The following TXNRD1 variants were observed in gnomAD, a reference collection of about 807,000 sequenced individuals.
The protein encoded by TXNRD1 is thioredoxin reductase 1, cytoplasmic.
TXNRD1 carries 57 observed loss-of-function variants against 80.3 expected under a neutral mutation model. That is an observed-to-expected ratio of 0.71 (90% CI 0.57 to 0.89). The LOEUF (loss-of-function observed/expected upper bound fraction) is 0.89, where lower values mean the gene tolerates loss of function less well. Among genes scored for constraint, TXNRD1 ranks in the 40% least tolerant of loss-of-function variants. The pLI, the probability that TXNRD1 is intolerant of heterozygous loss-of-function variation, is 0.00. For missense variants in TXNRD1, 730 were observed against 803.0 expected, an observed-to-expected ratio of 0.91 and a Z score of 1.10; for synonymous variants, 291 against 285.2, an observed-to-expected ratio of 1.02 and a Z score of -0.20.
chr12:104,338,817 C>T lies in TXNRD1; in HGVS notation c.1747-322C>T, dbSNP rs954179107. Among the ~76,000 whole-genome samples, 12 of 151,962 alleles carry T rather than the reference C, an allele frequency of 7.9e-5. No individual in the cohort carries two copies. The South Asian group carries it at 8.3e-4, about 11-fold the overall frequency. On this transcript the variant is annotated intron_variant, in intron 15 of 16. Coordinates refer to ENST00000525566, the MANE Select transcript of TXNRD1 (RefSeq NM_001093771.3). ...CTGCAAGCTCTGCCTCCTGGGTTCA[C>T]GCCATTCTCCTGCCTCAGCCTCTCA...
chr12:104,239,985 G>A (rs1412941795), intron 1 of TXNRD1, among the ~76,000 whole-genome samples: 1 of 152,086 alleles, frequency 6.6e-6, no homozygotes, highest in Non-Finnish European at 1.5e-5. Flanking sequence ...GATTCAATTT[G>A]CCATTATTTT....
At chr12:104,328,176 T>C (rs368235042) in intron 13 of TXNRD1, among the ~76,000 whole-genome samples, 1 of 126,570 alleles carries the variant, frequency 7.9e-6, no homozygotes, top group East Asian at 2.3e-4. Flanking sequence ...AAAAAAAAAT[T>C]AAAAAAAAAA....
At position 104,318,643 on chromosome 12, in the gene TXNRD1, C is replaced by T. The variant is rs79865505; in HGVS notation, c.731-270C>T. Among the ~76,000 whole-genome samples, 448 of 152,130 alleles carry T rather than the reference C, an allele frequency of 2.9e-3. 5 individuals are homozygous for T. Among genetic ancestry groups the T allele is most frequent in the African/African-American group, 9.2e-3 (382 of 41,484 alleles). On this transcript the variant is annotated intron_variant, in intron 7 of 16. Transcript: ENST00000525566. ...CCCAGAAATCAGTAAAATTCAAGTT[C>T]GTTTCTAGATAAAGAAGGAAAAAGT...
At position 104,217,652 on chromosome 12, in the gene TXNRD1, G is replaced by A. The variant is rs545176787; in HGVS notation, c.91+1759G>A. On this transcript the variant is annotated intron_variant, in intron 1 of 16. Transcript: ENST00000525566. ...AGTATACAGTTTTCAGCAGTATTAA[G>A]TATATTCACATTGTTGTGAAGCAGA... is the stretch of plus-strand genomic sequence containing the variant. Among the ~76,000 whole-genome samples, 3 of 152,264 alleles carry A rather than the reference G, an allele frequency of 2.0e-5. No homozygotes were observed. The South Asian group carries it at 6.2e-4, about 32-fold the overall frequency.
intron 13 of TXNRD1, among the ~76,000 whole-genome samples, chr12:104,328,034 C>T (rs534151180): frequency 5.2e-4 from 79 of 151,972 alleles, no homozygotes; most frequent in Non-Finnish European, 9.0e-4. Context: ...TGGCGCATGC[C>T]TGTAATCCCA....
intron 4 of TXNRD1, among the ~76,000 whole-genome samples, chr12:104,301,085 A>G (rs2034605623): frequency 6.6e-6 from 1 of 152,254 alleles, no homozygotes; most frequent in Non-Finnish European, 1.5e-5. Flanking sequence ...GTTTGCCTCG[A>G]TATGCTCTGT....
chr12:104,234,927 T>C (rs767628024), intron 1 of TXNRD1, among the ~76,000 whole-genome samples: 1 of 152,200 alleles, frequency 6.6e-6, no homozygotes, highest in Non-Finnish European at 1.5e-5. Context: ...TGTTTTTCCT[T>C]CATTTGCAGT....
chr12:104,316,145 T>C (rs1373225631), intron 7 of TXNRD1, among the ~76,000 whole-genome samples: 1 of 152,226 alleles, frequency 6.6e-6, no homozygotes, highest in Non-Finnish European at 1.5e-5. Flanking sequence ...TTGAATATAT[T>C]GTCATGTAGT....
At chr12:104,304,507 A>G (rs929223145) in intron 4 of TXNRD1, 5 of 1,613,920 alleles carry the variant, frequency 3.1e-6, no homozygotes, top group Non-Finnish European at 4.2e-6. Flanking sequence ...ACCAGAAAAA[A>G]GTTCGCAAGA....
chr12:104,328,539 G>A (rs184622302), intron 13 of TXNRD1, among the ~76,000 whole-genome samples: 36 of 152,176 alleles, frequency 2.4e-4, no homozygotes, highest in African/African-American at 6.7e-4. Flanking sequence ...GGCAGATCAC[G>A]AGGTCAGGAG....
intron 4 of TXNRD1, among the ~76,000 whole-genome samples, chr12:104,298,990 A>ATT (rs1789118253): frequency 6.6e-6 from 1 of 152,186 alleles, no homozygotes; most frequent in African/African-American, 2.4e-5. Context: ...GTATACCCAA[A>ATT]TTCATACATA....
chr12:104,215,931 G>C (rs1425569201), intron 1 of TXNRD1, 38 bp downstream of exon 1: 5 of 1,502,038 alleles, frequency 3.3e-6, no homozygotes, highest in Non-Finnish European at 4.5e-6. Flanking sequence ...CCAGGTCGAC[G>C]GGCCGAAGCG....
chr12:104,315,722 ATGTT>A, intron 6 of TXNRD1, 51 bp from the exon 7 acceptor site: 3 of 1,557,992 alleles, frequency 1.9e-6, no homozygotes, highest in Non-Finnish European at 2.6e-6. Context: ...TGTTCTTTGA[ATGTT>A]TGTAAGGCTT....
chr12:104,215,789 G>T lies in TXNRD1; in HGVS notation c.-14G>T. The T allele has an allele frequency of 6.4e-7, 1 of 1,552,434 alleles. No homozygotes were observed. On this transcript the variant is annotated 5_prime_UTR_variant, in exon 1 of 17. It adds an upstream start codon to the 5' untranslated region. Transcript: ENST00000525566. ...TCCTTCGGCTCCGTCAGTTCCCACA[G>T]GGCCTTGTGCGACATGGGCTGCGCC...
chr12:104,308,920 C>T lies in TXNRD1; in HGVS notation c.415-2370C>T, dbSNP rs377012667. On this transcript the variant is annotated intron_variant, in intron 4 of 16. Transcript: ENST00000525566. ...TTTCTTTTTTTTTTTTTTTTTGAGA[C>T]GGAGTCTTGCTCTGTCACCCAGGCT... Among the ~76,000 whole-genome samples the T allele has an allele frequency of 1.5e-3, 186 of 124,678 alleles. No homozygotes were observed. In the East Asian group the frequency reaches 0.027, roughly 18 times the overall value. The allele number at this position is 124,678 out of a possible 152,430, so 81.8% of individuals were successfully genotyped here.
chr12:104,219,438 G>A (rs907076462), intron 1 of TXNRD1, among the ~76,000 whole-genome samples: 1 of 152,134 alleles, frequency 6.6e-6, no homozygotes, highest in Admixed American at 6.5e-5. Flanking sequence ...ATCAGGCACT[G>A]GGAACTCAGG....
chr12:104,286,850 G>A, intron 3 of TXNRD1: 1 of 1,082,072 alleles, frequency 9.2e-7, no homozygotes, highest in South Asian at 2.6e-5. Context: ...GGCAGAGGAT[G>A]TGGTGTCACC....
intron 2 of TXNRD1, among the ~76,000 whole-genome samples, chr12:104,256,738 C>T (rs1326045506): frequency 6.2e-5 from 9 of 144,988 alleles, no homozygotes; most frequent in Admixed American, 5.6e-4. Context: ...CGAGATAGTG[C>T]CACTGCACTC....
chr12:104,234,011 T>C (rs2032681465), intron 1 of TXNRD1, among the ~76,000 whole-genome samples: 1 of 152,212 alleles, frequency 6.6e-6, no homozygotes, highest in South Asian at 2.1e-4. Flanking sequence ...ATGAGTCCCA[T>C]ACATTCTTCT....
Sources: allele counts gnomAD v4.1 joint callset (sites outside exome capture counted in the v4.1 genomes callset), GRCh38; gene constraint gnomAD v4.1.1; transcripts MANE v1.5; gene names NCBI Gene and HGNC (gene_info 2026-07-23, HGNC 2026-07-21).